PTX3: variants seen among roughly 807,000 people sequenced by gnomAD.
PTX3 encodes the protein pentraxin-related protein PTX3.
In PTX3, 24 loss-of-function variants were observed where a neutral mutation model predicts 23.5. That is an observed-to-expected ratio of 1.02 (90% CI 0.74 to 1.43). The LOEUF (loss-of-function observed/expected upper bound fraction) is 1.43, where lower values mean the gene tolerates loss of function less well. PTX3 is among the 40% of genes most tolerant of loss of function. The pLI, the probability that PTX3 is intolerant of heterozygous loss-of-function variation, is 0.00. For missense variants in PTX3, 510 were observed against 497.5 expected (o/e 1.02, Z -0.24); for synonymous variants, 218 against 205.4 (o/e 1.06, Z -0.53).
intron 2 of PTX3, among the ~76,000 whole-genome samples, chr3:157,441,585 G>A (rs994625307): frequency 4.6e-5 from 7 of 152,004 alleles, no homozygotes; most frequent in Admixed American, 1.3e-4. Flanking sequence ...TGAGGCAGGC[G>A]GATCTTGAGG....
chr3:157,437,815 G>C lies in PTX3; in HGVS notation c.433G>C (p.Ala145Pro). ...EGAEAQRPEE[A>P]GRALAAVLEE... ...CGCGGAGGCGCAGCGCCCAGAGGAG[G>C]CGGGGCGCGCCCTGGCCGCGGTGCT... Residue 145 changes from alanine (A) to proline (P), a missense_variant, in exon 2 of 3, where the codon GCG becomes CCG. Coordinates refer to ENST00000295927, the MANE Select transcript of PTX3 (RefSeq NM_002852.4). The C allele has an allele frequency of 6.8e-7, 1 of 1,462,986 alleles. No individual in the cohort carries two copies. Among genetic ancestry groups the C allele is most frequent in the Non-Finnish European group, 8.9e-7 (1 of 1,121,304 alleles). The allele number at this position is 1,462,986 out of a possible 1,614,324, so 90.6% of individuals were successfully genotyped here.
In PTX3 at chr3:157,442,822, C is replaced by T. The variant is rs1002544616; in HGVS notation, c.989C>T (p.Ser330Phe). 9.3e-6 allele frequency: 15 copies of T among 1,614,106 alleles called. No homozygotes were observed. The highest frequency in any genetic ancestry group is 1.2e-5 in the Non-Finnish European group (14 of 1,180,056). ...GGGFDETLAF[S>F]GRLTGFNIWD... ...GGCTTTGATGAAACATTAGCCTTCT[C>T]TGGGAGACTCACAGGCTTCAATATC... The change falls in exon 3 of 3, where the codon TCT becomes TTT. Residue 330 changes from serine to phenylalanine, a missense_variant. Coordinates refer to ENST00000295927, the MANE Select transcript of PTX3 (RefSeq NM_002852.4).
chr3:157,440,589 C>T (rs998577720), intron 2 of PTX3, among the ~76,000 whole-genome samples: 13 of 152,020 alleles, frequency 8.6e-5, no homozygotes, highest in African/African-American at 3.1e-4. Context: ...TACACATACA[C>T]ACATATATAT....
In PTX3 at chr3:157,437,894, C is replaced by A; in HGVS notation, c.512C>A (p.Ala171Asp). ...CTGCACGCGGTGCAGGGCTGGGCTG[C>A]CCGGAGCTGGCTGCCGGCAGGTAAG... is the stretch of plus-strand genomic sequence containing the variant. The part of the protein sequence containing the change: ...ADLHAVQGWA[A>D]RSWLPAGCET... The change falls in exon 2 of 3, where the codon GCC becomes GAC. Residue 171 changes from alanine to aspartate, a missense_variant. By Grantham distance (126) the Ala-to-Asp change is moderately radical (BLOSUM62 -2). Transcript: ENST00000295927. 1 of 1,521,234 alleles carries A rather than the reference C, an allele frequency of 6.6e-7. No homozygotes were observed. Among genetic ancestry groups the A allele is most frequent in the Non-Finnish European group, 8.8e-7 (1 of 1,142,112 alleles). The allele number at this position is 1,521,234 out of a possible 1,614,324, so 94.2% of individuals were successfully genotyped here. A position where few individuals can be genotyped will look rare whatever the true frequency, so the allele number is the denominator to read the frequency against.
rs909795858 is a variant in PTX3 at position 157,437,879 on chromosome 3, T to C, written c.497T>C (p.Val166Ala). The change falls in exon 2 of 3, where the codon GTG (valine) becomes GCG (alanine). Residue 166 changes from valine to alanine, a missense_variant. Coordinates refer to ENST00000295927, the MANE Select transcript of PTX3 (RefSeq NM_002852.4). ...CAGACGCGAGCCGACCTGCACGCGGTGCAGGGCTGGGCTGCCCGGAGCTGG... is the reference window on the plus strand; with the variant it reads ...CAGACGCGAGCCGACCTGCACGCGGCGCAGGGCTGGGCTGCCCGGAGCTGG... ...LRQTRADLHA[V>A]QGWAARSWLP... 1.5e-5 allele frequency: 22 copies of C among 1,514,908 alleles called. No homozygotes were observed. The highest frequency in any genetic ancestry group is 2.6e-5 in the East Asian group (1 of 38,112). 93.8% of individuals were successfully genotyped at this position (1,514,908 alleles called of 1,614,324 possible).
chr3:157,437,041 T>G lies in PTX3; in HGVS notation c.108T>G (p.Asn36Lys), dbSNP rs386352354. Residue 36 changes from asparagine (N) to lysine (K), a missense_variant, in exon 1 of 3, where the codon AAT (asparagine) becomes AAG (lysine). Coordinates refer to ENST00000295927, the MANE Select transcript of PTX3 (RefSeq NM_002852.4). ...MYVNLDNEID[N>K]GLHPTEDPTP... ...TGAATTTGGACAACGAAATAGACAA[T>G]GGACTCCATCCCACTGAGGACCGTA... 2 of 1,614,040 alleles carry G rather than the reference T, an allele frequency of 1.2e-6. No individual in the cohort carries two copies. The highest frequency in any genetic ancestry group is 2.2e-5 in the East Asian group (1 of 44,882).
At chr3:157,438,049 A>G (rs1054632036) in intron 2 of PTX3, 135 bp downstream of exon 2, 60 of 719,750 alleles carry the variant, frequency 8.3e-5, no homozygotes, top group Middle Eastern at 3.8e-4. Flanking sequence ...ACACACACAC[A>G]CACACACACA....
intron 2 of PTX3, among the ~76,000 whole-genome samples, chr3:157,441,549 C>T (rs1734114783): frequency 6.6e-6 from 1 of 152,054 alleles, no homozygotes; most frequent in Non-Finnish European, 1.5e-5. Context: ...GTGGCTCATG[C>T]CTGTAATCCC....
In PTX3 at chr3:157,442,546, T is replaced by C; in HGVS notation, c.713T>C (p.Leu238Pro). The change falls in exon 3 of 3, where the codon CTG becomes CCG. Residue 238 changes from leucine (L) to proline (P), a missense_variant. Leu to Pro is a moderately conservative substitution (Grantham distance 98). Coordinates refer to ENST00000295927, the MANE Select transcript of PTX3 (RefSeq NM_002852.4). ...GTKRNPYEIQ[L>P]YLSYQSIVFV... is the part of the protein sequence containing the mutation. The stretch of plus-strand genomic sequence containing the variant: ...AAGAGGAATCCATATGAAATCCAGC[T>C]GTATCTCAGCTACCAATCCATAGTG... 1 of 1,614,184 alleles carries C rather than the reference T, an allele frequency of 6.2e-7. No homozygotes were observed. The highest frequency in any genetic ancestry group is 8.5e-7 in the Non-Finnish European group (1 of 1,180,032).
At chr3:157,438,491 C>A (rs1038066044) in intron 2 of PTX3, among the ~76,000 whole-genome samples, 1 of 152,126 alleles carries the variant, frequency 6.6e-6, no homozygotes, top group Admixed American at 6.5e-5. Flanking sequence ...GAAGGGTCAG[C>A]GGAATTCTTC....
chr3:157,442,871 A>T lies in PTX3; in HGVS notation c.1038A>T (p.Glu346Asp), dbSNP rs1472801426. Residue 346 changes from glutamate to aspartate, a missense_variant, in exon 3 of 3, where the codon GAA becomes GAT. Glu to Asp is a conservative substitution (Grantham distance 45, BLOSUM62 2). Transcript: ENST00000295927. The stretch of plus-strand genomic sequence containing the variant: ...TCTGGGATAGTGTTCTTAGCAATGA[A>T]GAGATAAGAGAGACCGGAGGAGCAG... ...FNIWDSVLSN[E>D]EIRETGGAES... 2 of 1,614,206 alleles carry T rather than the reference A, an allele frequency of 1.2e-6. No individual in the cohort carries two copies. Among genetic ancestry groups the T allele is most frequent in the East Asian group, 4.5e-5 (2 of 44,886 alleles).
At chr3:157,438,037 G>T (rs6803755) in intron 2 of PTX3, 123 bp downstream of exon 2, 4 of 514,746 alleles carry the variant, frequency 7.8e-6, no homozygotes, top group Non-Finnish European at 1.3e-5. Flanking sequence ...GCGCGCGCGC[G>T]CACACACACA....
Position 157,437,639 on chromosome 3 carries a change from A to C in PTX3, c.257A>C (p.Gln86Pro). Residue 86 changes from glutamine to proline, a missense_variant, in exon 2 of 3, where the codon CAG becomes CCG. Gln to Pro is a moderately conservative substitution (Grantham distance 76, BLOSUM62 -1). Coordinates refer to ENST00000295927, the MANE Select transcript of PTX3 (RefSeq NM_002852.4). ...ATDDVLRGELQRLREELGRLA... is the reference protein window; with the variant it reads ...ATDDVLRGELPRLREELGRLA... ...GACGACGTCCTGCGGGGCGAGCTGCAGAGGCTGCGGGAGGAGCTGGGCCGG... is the reference window on the plus strand; with the variant it reads ...GACGACGTCCTGCGGGGCGAGCTGCCGAGGCTGCGGGAGGAGCTGGGCCGG... 1 of 1,551,446 alleles carries C rather than the reference A, an allele frequency of 6.4e-7. No individual in the cohort carries two copies. The highest frequency in any genetic ancestry group is 8.7e-7 in the Non-Finnish European group (1 of 1,150,582).
Position 157,436,938 on chromosome 3 carries a change from A to G in PTX3, c.5A>G (p.His2Arg), listed in dbSNP as rs775311371. Residue 2 changes from histidine to arginine, a missense_variant, in exon 1 of 3, where the codon CAT (histidine) becomes CGT (arginine). Physicochemically the swap from His to Arg is conservative, Grantham distance 29 (BLOSUM62 0). Coordinates refer to ENST00000295927, the MANE Select transcript of PTX3 (RefSeq NM_002852.4). MHLLAILFCALW... is the reference protein window; with the variant it reads MRLLAILFCALW... Reference sequence around the variant, plus strand: ...GAACTTTGCGTCTCTCCAGCAATGCATCTCCTTGCGATTCTGTTTTGTGCT... The same window carrying G: ...GAACTTTGCGTCTCTCCAGCAATGCGTCTCCTTGCGATTCTGTTTTGTGCT... The G allele has an allele frequency of 1.2e-5, 20 of 1,613,476 alleles. No homozygotes were observed. The highest frequency in any genetic ancestry group is 1.5e-5 in the Non-Finnish European group (18 of 1,179,776).
chr3:157,438,314 C>G (rs923544392), intron 2 of PTX3, among the ~76,000 whole-genome samples: 2 of 152,040 alleles, frequency 1.3e-5, no homozygotes, highest in Non-Finnish European at 2.9e-5. Flanking sequence ...TTAGGGATTT[C>G]CACGTCTTCT....
At chr3:157,442,303 C>A in intron 2 of PTX3, 63 bp from the exon 3 acceptor site, 1 of 1,352,218 alleles carries the variant, frequency 7.4e-7, no homozygotes, top group South Asian at 1.5e-5. Flanking sequence ...TAACTAATGC[C>A]AGAATAATTC....
At chr3:157,438,037 G>GCGCGCGCA (rs1553786688) in intron 2 of PTX3, 123 bp downstream of exon 2, 1 of 451,414 alleles carries the variant, frequency 2.2e-6, no homozygotes, top group South Asian at 2.7e-5. Context: ...GCGCGCGCGC[G>GCGCGCGCA]CACACACACA....
chr3:157,437,897 G>C lies in PTX3; in HGVS notation c.515G>C (p.Arg172Pro), dbSNP rs1194342137. The stretch of plus-strand genomic sequence containing the variant: ...CACGCGGTGCAGGGCTGGGCTGCCC[G>C]GAGCTGGCTGCCGGCAGGTAAGGAG... ...DLHAVQGWAARSWLPAGCETA... is the reference protein window; with the variant it reads ...DLHAVQGWAAPSWLPAGCETA... The change falls in exon 2 of 3, where the codon CGG (arginine) becomes CCG (proline). Residue 172 changes from arginine to proline, a missense_variant. By Grantham distance (103) the Arg-to-Pro change is moderately radical (BLOSUM62 -2). Transcript: ENST00000295927. 16 of 1,521,338 alleles carry C rather than the reference G, an allele frequency of 1.1e-5. No homozygotes were observed. The highest frequency in any genetic ancestry group is 2.6e-5 in the East Asian group (1 of 38,714). 94.2% of individuals were successfully genotyped at this position (1,521,338 alleles called of 1,614,324 possible).
chr3:157,437,572 G>C lies in PTX3; in HGVS notation c.190G>C (p.Glu64Gln), dbSNP rs760098998. 3.1e-6 allele frequency: 5 copies of C among 1,599,146 alleles called. No individual in the cohort carries two copies. The highest frequency in any genetic ancestry group is 1.9e-4 in the Middle Eastern group (1 of 5,214). Residue 64 changes from glutamate to glutamine, a missense_variant, in exon 2 of 3, where the codon GAG becomes CAG. Coordinates refer to ENST00000295927, the MANE Select transcript of PTX3 (RefSeq NM_002852.4). ...SEWDKLFIML[E>Q]NSQMRERMLL... ...ATGGGACAAGCTCTTCATCATGCTG[G>C]AGAACTCGCAGATGAGAGAGCGCAT...
Sources: gnomAD v4.1 joint callset for allele counts (sites outside exome capture counted in the v4.1 genomes callset) on GRCh38, gnomAD v4.1.1 for gene constraint, MANE v1.5 for transcripts, NCBI Gene and HGNC (gene_info 2026-07-23, HGNC 2026-07-21) for gene names.